Variants in LHX8 observed in about 807,000 individuals in gnomAD.
The protein encoded by LHX8 is LIM/homeobox protein Lhx8.
Under a neutral mutation model 40.3 loss-of-function variants are expected in LHX8, and 12 were observed. The ratio of observed to expected loss-of-function variants is 0.30; its 90% confidence interval spans 0.19 to 0.48. LHX8 has a LOEUF of 0.48. LHX8 is among the 20% of genes least tolerant of loss of function. The probability of loss-of-function intolerance (pLI) is 0.99; values close to 1 mark genes in which losing one functional copy is unlikely to be tolerated. For missense variants in LHX8, 344 were observed against 433.7 expected (o/e 0.79, Z 1.84); for synonymous variants, 179 against 162.0 (o/e 1.10, Z -0.80).
chr1:75,184,631 T>C, the LHX8 span, among the ~76,000 whole-genome samples: 1 of 152,106 alleles, frequency 6.6e-6, no homozygotes, highest in African/African-American at 2.4e-5. Context: ...GTAAGAGGGA[T>C]ATTTATAGCA....
At chr1:75,132,314 C>T, upstream of LHX8, 1 of 152,328 alleles carries the variant, frequency 6.6e-6, no homozygotes, top group East Asian at 1.9e-4. Context: ...CGACCCCCAG[C>T]CAAAGGCTTA....
downstream of LHX8, among the ~76,000 whole-genome samples, chr1:75,165,141 C>T (rs1570311891): frequency 6.6e-6 from 1 of 152,052 alleles, no homozygotes; most frequent in African/African-American, 2.4e-5. Context: ...TAGTACCTGG[C>T]ACTCTATCAT....
the LHX8 span, among the ~76,000 whole-genome samples, chr1:75,172,030 CA>C: frequency 6.6e-6 from 1 of 152,202 alleles, no homozygotes; most frequent in Non-Finnish European, 1.5e-5. Flanking sequence ...ATTTGCACAG[CA>C]GCTGCTTGTC....
intron 8 of LHX8, among the ~76,000 whole-genome samples, chr1:75,157,977 T>C (rs184708284): frequency 1.5e-4 from 23 of 152,322 alleles, no homozygotes; most frequent in African/African-American, 5.3e-4. Flanking sequence ...CTTCAGTCAT[T>C]CTGACAGATA....
chr1:75,185,786 C>A, the LHX8 span, among the ~76,000 whole-genome samples: 10 of 152,076 alleles, frequency 6.6e-5, no homozygotes, highest in Admixed American at 6.6e-4. Flanking sequence ...AATCTTATAT[C>A]TCGAAAACCC....
At chr1:75,161,957 C>G (rs1385251994), downstream of LHX8, among the ~76,000 whole-genome samples, 1 of 152,036 alleles carries the variant, frequency 6.6e-6, no homozygotes, top group African/African-American at 2.4e-5. Flanking sequence ...TCTTATGTGG[C>G]AGTGGACTTA....
rs1648912479 is a variant in LHX8, at chr1:75,161,287, T to C, written c.*392T>C. On this transcript the variant is annotated 3_prime_UTR_variant, in exon 9 of 9. Coordinates refer to ENST00000356261, the MANE Select transcript of LHX8 (RefSeq NM_001256114.2). ...AGTTTGTATCTGTAAGTTATTGTAATAAATATTACCTGTATTTTTTGTTAT... is the reference window on the plus strand; with the variant it reads ...AGTTTGTATCTGTAAGTTATTGTAACAAATATTACCTGTATTTTTTGTTAT... 4.9e-6 allele frequency: 1 copy of C among 204,630 alleles called. No homozygotes were observed. Among genetic ancestry groups the C allele is most frequent in the African/African-American group, 2.4e-5 (1 of 42,158 alleles). The allele number at this position is 204,630 out of a possible 1,614,324, so 12.7% of individuals were successfully genotyped here.
At chr1:75,145,552 C>A (rs1054728272) in intron 6 of LHX8, among the ~76,000 whole-genome samples, 1 of 152,080 alleles carries the variant, frequency 6.6e-6, no homozygotes, top group Non-Finnish European at 1.5e-5. Flanking sequence ...AGGCATTTAT[C>A]TACTTTATCT....
chr1:75,159,021 T>C (rs935706067), intron 8 of LHX8, among the ~76,000 whole-genome samples: 3 of 152,180 alleles, frequency 2.0e-5, no homozygotes, highest in African/African-American at 7.2e-5. Context: ...AATCATCTCA[T>C]GATTTAGACT....
In LHX8 at chr1:75,134,585, G is replaced by A. The variant is rs989291023; in HGVS notation, c.-382G>A. ...AGACACGGACAGCCTCTGACCCTCT[G>A]GAGTTGGTATGTGATAAGCAGCCCT... On this transcript the variant is annotated 5_prime_UTR_variant, in exon 1 of 9. Transcript: ENST00000356261. 1.3e-5 allele frequency among the ~76,000 whole-genome samples: 2 copies of A among 152,042 alleles called. No individual in the cohort carries two copies. The highest frequency in any genetic ancestry group is 4.8e-5 in the African/African-American group (2 of 41,410).
intron 3 of LHX8, among the ~76,000 whole-genome samples, chr1:75,139,871 A>C (rs1297024220): frequency 6.6e-6 from 1 of 152,220 alleles, no homozygotes; most frequent in Admixed American, 6.5e-5. Context: ...ATAGACACAT[A>C]GTCTTTATTA....
chr1:75,130,095 T>C (rs1374554343), upstream of LHX8: 1 of 155,110 alleles, frequency 6.4e-6, no homozygotes, highest in Non-Finnish European at 1.4e-5. Flanking sequence ...GGCTTGGAAA[T>C]GTCACAATGA....
At chr1:75,136,482 C>G in intron 1 of LHX8, 121 bp from the exon 2 acceptor site, 1 of 693,660 alleles carries the variant, frequency 1.4e-6, no homozygotes, top group Middle Eastern at 3.2e-4. Flanking sequence ...GACGGCTGCA[C>G]GCGCTGCCCC....
chr1:75,130,688 ATACAGCTCTG>A, upstream of LHX8: 1 of 1,612,668 alleles, frequency 6.2e-7, no homozygotes, highest in Non-Finnish European at 8.5e-7. Flanking sequence ...GTGAGCCCGT[ATACAGCTCTG>A]CCATCTCTGA....
the LHX8 span, among the ~76,000 whole-genome samples, chr1:75,176,249 T>C: frequency 6.6e-6 from 1 of 152,232 alleles, no homozygotes; most frequent in Non-Finnish European, 1.5e-5. Context: ...ATCACCACAC[T>C]GTCTTCCACA....
At chr1:75,152,302 T>C (rs149749233) in intron 7 of LHX8, among the ~76,000 whole-genome samples, 68 of 152,332 alleles carry the variant, frequency 4.5e-4, no homozygotes, top group African/African-American at 1.6e-3. Context: ...GTAAGACATT[T>C]GTAATAAAGC....
At chr1:75,191,268 G>T in the LHX8 span, among the ~76,000 whole-genome samples, 1 of 152,120 alleles carries the variant, frequency 6.6e-6, no homozygotes, top group Non-Finnish European at 1.5e-5. Flanking sequence ...AGGGATCCAA[G>T]ACAGGAAATT....
chr1:75,187,055 G>A, the LHX8 span, among the ~76,000 whole-genome samples: 9 of 152,066 alleles, frequency 5.9e-5, no homozygotes, highest in African/African-American at 9.7e-5. Flanking sequence ...GAGTCTACCC[G>A]GTAAGCAGCC....
chr1:75,188,207 G>A, the LHX8 span, among the ~76,000 whole-genome samples: 3 of 152,008 alleles, frequency 2.0e-5, no homozygotes, highest in African/African-American at 7.2e-5. Flanking sequence ...TTAAGTGGCT[G>A]TAAAACTTTC....
Sources: gnomAD v4.1 joint callset for allele counts (sites outside exome capture counted in the v4.1 genomes callset) on GRCh38, gnomAD v4.1.1 for gene constraint, MANE v1.5 for transcripts, NCBI Gene and HGNC (gene_info 2026-07-23, HGNC 2026-07-21) for gene names.